The following CDON variants were observed in gnomAD, a reference collection of about 807,000 sequenced individuals.
CDON encodes the protein cell adhesion molecule-related/down-regulated by oncogenes.
CDON carries 73 observed loss-of-function variants against 120.9 expected under a neutral mutation model. That is an observed-to-expected ratio of 0.60 (90% CI 0.50 to 0.73). CDON has a LOEUF of 0.73. Ranked by LOEUF, CDON falls within the 30% of genes least tolerant of loss-of-function variation. The pLI is 0.00. For synonymous variants in CDON, 566 were observed against 573.5 expected, an observed-to-expected ratio of 0.99 and a Z score of 0.19; for missense variants, 1,470 against 1,587.3, an observed-to-expected ratio of 0.93 and a Z score of 1.26.
chr11:125,976,120 G>C (rs757805830), intron 18 of CDON, among the ~76,000 whole-genome samples: 1 of 151,946 alleles, frequency 6.6e-6, no homozygotes, highest in African/African-American at 2.4e-5. Flanking sequence ...TCTACCTTTC[G>C]GCATTCACAG....
chr11:126,008,179 G>A (rs994279785), intron 8 of CDON, among the ~76,000 whole-genome samples: 4 of 152,012 alleles, frequency 2.6e-5, no homozygotes, highest in Non-Finnish European at 4.4e-5. Flanking sequence ...GTACATCCAG[G>A]ACCTCAAAAA....
chr11:126,014,553 C>G (rs893613933), intron 7 of CDON, among the ~76,000 whole-genome samples: 2 of 152,094 alleles, frequency 1.3e-5, no homozygotes, highest in African/African-American at 4.8e-5. Context: ...TCTGCAAGTT[C>G]ATTTCTAGGA....
intron 1 of CDON, among the ~76,000 whole-genome samples, chr11:126,046,361 A>C (rs915175236): frequency 1.8e-4 from 27 of 152,162 alleles, no homozygotes; most frequent in African/African-American, 6.3e-4. Context: ...CTGTGGTACA[A>C]TGTTTTCTCC....
chr11:125,965,591 G>A (rs1369044961), intron 18 of CDON, among the ~76,000 whole-genome samples: 3 of 152,076 alleles, frequency 2.0e-5, no homozygotes, highest in African/African-American at 7.2e-5. Flanking sequence ...AGGAGAAAAG[G>A]CCCAGTAAAC....
In CDON at chr11:125,981,409, C is replaced by A. The variant is rs1349138061; in HGVS notation, c.2996-80G>T. 1.0e-5 allele frequency: 15 copies of A among 1,431,102 alleles called. No homozygotes were observed. In the East Asian group the frequency reaches 3.5e-4, roughly 33 times the overall value. The allele number at this position is 1,431,102 out of a possible 1,614,324, so 88.7% of individuals were successfully genotyped here. ...ATGCACATACGCACACACGCATGCA[C>A]ACATGCACATACGCACACACGCACA... On this transcript the variant is annotated intron_variant, in intron 16 of 19. Coordinates refer to ENST00000531738, the MANE Select transcript of CDON (RefSeq NM_001378964.1).
chr11:126,008,089 C>T (rs1947179843), intron 8 of CDON, among the ~76,000 whole-genome samples: 1 of 152,140 alleles, frequency 6.6e-6, no homozygotes, highest in Non-Finnish European at 1.5e-5. Flanking sequence ...CTGCCAGCAA[C>T]TCACAACCCA....
intron 3 of CDON, among the ~76,000 whole-genome samples, chr11:126,020,075 A>G (rs1435064778): frequency 6.6e-6 from 1 of 151,888 alleles, no homozygotes; most frequent in African/African-American, 2.4e-5. Flanking sequence ...GAAAAAAAAG[A>G]AAAGAAAGCA....
At position 126,013,370 on chromosome 11, in the gene CDON, T is replaced by A. The variant is rs572824021; in HGVS notation, c.1198+1871A>T. Among the ~76,000 whole-genome samples, 3 of 152,304 alleles carry A rather than the reference T, an allele frequency of 2.0e-5. No homozygotes were observed. The East Asian group carries it at 5.8e-4, about 29-fold the overall frequency. On this transcript the variant is annotated intron_variant, in intron 7 of 19. Transcript: ENST00000531738. The stretch of plus-strand genomic sequence containing the variant: ...ATCTTTTCCTCTTCTCTGGAACACT[T>A]TGTACAATATCTGAAATGGTCTATC...
At position 126,035,967 on chromosome 11, in the gene CDON, G is replaced by A. The variant is rs996054865; in HGVS notation, c.-61-12430C>T. On this transcript the variant is annotated intron_variant, in intron 1 of 19. Coordinates refer to ENST00000531738, the MANE Select transcript of CDON (RefSeq NM_001378964.1). ...CTGCTAGGCCACACATGCACGAAGCGGCAGTGGCCAGATTGTAACACAACA... is the reference window on the plus strand; with the variant it reads ...CTGCTAGGCCACACATGCACGAAGCAGCAGTGGCCAGATTGTAACACAACA... Among the ~76,000 whole-genome samples the A allele has an allele frequency of 4.6e-5, 7 of 152,242 alleles. No individual in the cohort carries two copies. The East Asian group carries it at 1.4e-3, about 29-fold the overall frequency.
intron 1 of CDON, among the ~76,000 whole-genome samples, chr11:126,031,843 T>C (rs562641873): frequency 1.3e-5 from 2 of 152,346 alleles, no homozygotes; most frequent in African/African-American, 2.4e-5. Context: ...CGTGAAGGAA[T>C]TGCTCACCAT....
intron 7 of CDON, among the ~76,000 whole-genome samples, chr11:126,012,052 CA>C (rs1275241591): frequency 6.6e-6 from 1 of 152,112 alleles, no homozygotes; most frequent in Non-Finnish European, 1.5e-5. Context: ...GTTTCTGTAC[CA>C]ATATAATATT....
In CDON at chr11:126,014,924, A is replaced by G. The variant is rs1947416044; in HGVS notation, c.1198+317T>C. 1.5e-5 allele frequency: 5 copies of G among 329,826 alleles called. No individual in the cohort carries two copies. The South Asian group carries it at 1.8e-4, about 12-fold the overall frequency. 20.4% of individuals were successfully genotyped at this position (329,826 alleles called of 1,614,324 possible). A position where few individuals can be genotyped will look rare whatever the true frequency, so the allele number is the denominator to read the frequency against. ...ATACAAGGCTGCTCAAGAAACTGAT[A>G]AAACTAATTATTTCTAAAGAGAGGA... On this transcript the variant is annotated intron_variant, in intron 7 of 19. Coordinates refer to ENST00000531738, the MANE Select transcript of CDON (RefSeq NM_001378964.1).
intron 10 of CDON, among the ~76,000 whole-genome samples, chr11:126,003,153 G>A (rs1291505138): frequency 1.3e-5 from 2 of 152,038 alleles, no homozygotes; most frequent in East Asian, 3.9e-4. Context: ...TATAACTTAC[G>A]TGTAAGTCTC....
chr11:126,020,633 G>A (rs1285654741), intron 3 of CDON, among the ~76,000 whole-genome samples: 2 of 152,166 alleles, frequency 1.3e-5, no homozygotes, highest in Non-Finnish European at 1.5e-5. Flanking sequence ...TTACAAAGAC[G>A]TTTTCCATTA....
chr11:125,967,694 G>A (rs1347321049), intron 18 of CDON, among the ~76,000 whole-genome samples: 1 of 152,152 alleles, frequency 6.6e-6, no homozygotes, highest in Non-Finnish European at 1.5e-5. Flanking sequence ...TGCCCAGGCT[G>A]GGTACGATCA....
At chr11:125,973,018 C>CTTTTTTTTTTTTTTTTTTTTTTTTTTTTT (rs35828939) in intron 18 of CDON, among the ~76,000 whole-genome samples, 1 of 87,070 alleles carries the variant, frequency 1.1e-5, no homozygotes, top group Non-Finnish European at 2.2e-5. Context: ...ATTACTTGGT[C>CTTTTTTTTTTTTTTTTTTTTTTTTTTTTT]TTTTTTTTTT....
intron 8 of CDON, among the ~76,000 whole-genome samples, chr11:126,009,380 G>A (rs903249077): frequency 3.9e-5 from 6 of 152,214 alleles, no homozygotes; most frequent in Non-Finnish European, 7.3e-5. Context: ...CACACTGGTC[G>A]TGTGGTCCAG....
chr11:126,008,733 T>G (rs138586373), intron 8 of CDON, among the ~76,000 whole-genome samples: 3 of 152,190 alleles, frequency 2.0e-5, no homozygotes, highest in Non-Finnish European at 2.9e-5. Flanking sequence ...GCCACTCTTA[T>G]TTTTGCCTAG....
At chr11:125,972,313 A>G (rs571593603) in intron 18 of CDON, among the ~76,000 whole-genome samples, 1 of 152,252 alleles carries the variant, frequency 6.6e-6, no homozygotes, top group East Asian at 1.9e-4. Context: ...CTGTAATTCC[A>G]GCTACTAAGG....
Sources: allele counts gnomAD v4.1 joint callset (sites outside exome capture counted in the v4.1 genomes callset), GRCh38; gene constraint gnomAD v4.1.1; transcripts MANE v1.5; gene names NCBI Gene and HGNC (gene_info 2026-07-23, HGNC 2026-07-21).